GOLM2: variants seen among roughly 807,000 people sequenced by gnomAD.
GOLM2 encodes golgi membrane protein 2.
A neutral mutation model predicts 55.9 loss-of-function variants in GOLM2; 26 were observed. That is an observed-to-expected ratio of 0.47 (90% CI 0.34 to 0.65). The LOEUF (loss-of-function observed/expected upper bound fraction) is 0.65, where lower values mean the gene tolerates loss of function less well. Ranked by LOEUF, GOLM2 falls within the 30% of genes least tolerant of loss-of-function variation. The pLI is 0.01. For synonymous variants in GOLM2, 165 were observed against 194.6 expected (o/e 0.85, Z 1.27); for missense variants, 486 against 531.8 (o/e 0.91, Z 0.85).
chr15:44,377,835 T>A (rs1462626361), intron 6 of GOLM2, among the ~76,000 whole-genome samples: 1 of 151,672 alleles, frequency 6.6e-6, no homozygotes, highest in South Asian at 2.1e-4. Flanking sequence ...ATATATGATA[T>A]AACCCTAATT....
chr15:44,382,621 C>G (rs1014897540), intron 8 of GOLM2, among the ~76,000 whole-genome samples: 2 of 152,094 alleles, frequency 1.3e-5, no homozygotes, highest in Admixed American at 6.6e-5. Context: ...ACTACTGCTC[C>G]CGGCCAAGAT....
At chr15:44,391,060 A>G (rs1174036690) in intron 8 of GOLM2, among the ~76,000 whole-genome samples, 1 of 152,220 alleles carries the variant, frequency 6.6e-6, no homozygotes, top group East Asian at 1.9e-4. Context: ...AAACTTGAAT[A>G]AACCAATAAT....
At chr15:44,365,742 C>T (rs548737590) in intron 6 of GOLM2, among the ~76,000 whole-genome samples, 1 of 152,026 alleles carries the variant, frequency 6.6e-6, no homozygotes, top group African/African-American at 2.4e-5. Context: ...CAGTGAAATG[C>T]TCTGATACTA....
At chr15:44,366,296 C>CAAAAAAAAAAAAAAAAAAAAAAAAAAAA (rs34413737) in intron 6 of GOLM2, among the ~76,000 whole-genome samples, 1 of 55,504 alleles carries the variant, frequency 1.8e-5, no homozygotes, top group African/African-American at 6.8e-5. Context: ...GACTCCGTCT[C>CAAAAAAAAAAAAAAAAAAAAAAAAAAAA]AAAAAAAAAA....
chr15:44,368,588 A>G (rs944457009), intron 6 of GOLM2, among the ~76,000 whole-genome samples: 6 of 151,286 alleles, frequency 4.0e-5, no homozygotes, highest in Non-Finnish European at 7.4e-5. Context: ...CATATATTTC[A>G]CTTTAGATGT....
intron 8 of GOLM2, among the ~76,000 whole-genome samples, chr15:44,398,222 C>T (rs1163600963): frequency 2.6e-5 from 4 of 152,250 alleles, no homozygotes; most frequent in South Asian, 2.1e-4. Context: ...TGTGCAATAG[C>T]ACACGTACTA....
chr15:44,299,540 G>T (rs754922805), intron 1 of GOLM2, among the ~76,000 whole-genome samples: 10 of 151,932 alleles, frequency 6.6e-5, no homozygotes, highest in African/African-American at 2.4e-4. Flanking sequence ...TGATCCGCCC[G>T]CCTCGGCCTC....
At position 44,328,707 on chromosome 15, in the gene GOLM2, G is replaced by C; in HGVS notation, c.405G>C (p.Gln135His). ...TAGAGCAACTTGCTGAGCTTCGTCA[G>C]GAATTTCTTCGACAAGAAGACCAGC... ...HLKEQLAELR[Q>H]EFLRQEDQLQ... is the part of the protein sequence containing the mutation. The change falls in exon 3 of 10, where the codon CAG becomes CAC. Residue 135 changes from glutamine (Q) to histidine (H), a missense_variant. Coordinates refer to ENST00000299957, the MANE Select transcript of GOLM2 (RefSeq NM_138423.4). The C allele has an allele frequency of 6.2e-7, 1 of 1,613,002 alleles. No individual in the cohort carries two copies. The highest frequency in any genetic ancestry group is 8.5e-7 in the Non-Finnish European group (1 of 1,179,610).
At chr15:44,377,839 C>A (rs1310601568) in intron 6 of GOLM2, among the ~76,000 whole-genome samples, 1 of 150,546 alleles carries the variant, frequency 6.6e-6, no homozygotes, top group African/African-American at 2.4e-5. Context: ...ATGATATAAC[C>A]CTAATTTTAA....
intron 6 of GOLM2, among the ~76,000 whole-genome samples, chr15:44,354,003 G>A (rs1037076828): frequency 2.6e-5 from 4 of 152,018 alleles, no homozygotes; most frequent in South Asian, 2.1e-4. Context: ...ATTATTACAC[G>A]TTGTATGCCT....
At chr15:44,359,474 G>C (rs1483609585) in intron 6 of GOLM2, among the ~76,000 whole-genome samples, 2 of 152,038 alleles carry the variant, frequency 1.3e-5, no homozygotes, top group Non-Finnish European at 2.9e-5. Flanking sequence ...TGTAGTCTCA[G>C]CTACTTGGGA....
At chr15:44,349,706 A>G (rs1308787154) in intron 6 of GOLM2, among the ~76,000 whole-genome samples, 3 of 152,298 alleles carry the variant, frequency 2.0e-5, no homozygotes, top group Middle Eastern at 3.4e-3. Flanking sequence ...TCCTCAGTAC[A>G]TGCATCATTC....
chr15:44,380,688 TG>T, intron 7 of GOLM2, 117 bp from the exon 8 acceptor site: 1 of 629,828 alleles, frequency 1.6e-6, no homozygotes, highest in Non-Finnish European at 2.3e-6. Flanking sequence ...AAAAGCTTTG[TG>T]GCTACCCAAT....
In GOLM2 at chr15:44,341,054, A is replaced by G. The variant is rs539053212; in HGVS notation, c.802+2737A>G. On this transcript the variant is annotated intron_variant, in intron 6 of 9. Transcript: ENST00000299957. ...TAAATATATATAATTTTTGACCTCT[A>G]TTATTTATTTCCACATACTTTTCTC... Among the ~76,000 whole-genome samples, 4 of 144,012 alleles carry G rather than the reference A, an allele frequency of 2.8e-5. No homozygotes were observed. The South Asian group carries it at 9.1e-4, about 33-fold the overall frequency. The allele number at this position is 144,012 out of a possible 152,430, so 94.5% of individuals were successfully genotyped here.
chr15:44,382,485 C>G (rs1567040516), intron 8 of GOLM2, among the ~76,000 whole-genome samples: 1 of 151,892 alleles, frequency 6.6e-6, no homozygotes, highest in South Asian at 2.1e-4. Flanking sequence ...CATCACCATG[C>G]CTGGCTAATT....
chr15:44,395,663 A>G (rs1403814040), intron 8 of GOLM2, among the ~76,000 whole-genome samples: 1 of 151,814 alleles, frequency 6.6e-6, no homozygotes, highest in Admixed American at 6.6e-5. Flanking sequence ...AACATGATGA[A>G]ACCCCGTCTC....
chr15:44,384,241 AC>A (rs139601286), intron 8 of GOLM2, among the ~76,000 whole-genome samples: 6,381 of 152,040 alleles, frequency 0.042, 243 homozygotes, highest in East Asian at 0.2. Flanking sequence ...GTACTCTCCT[AC>A]CCTCAGCACC....
intron 8 of GOLM2, among the ~76,000 whole-genome samples, chr15:44,395,651 C>T (rs913503390): frequency 6.6e-6 from 1 of 151,720 alleles, no homozygotes; most frequent in Non-Finnish European, 1.5e-5. Flanking sequence ...ACCATCCTGG[C>T]CAACATGATG....
chr15:44,327,931 C>T (rs12594110), intron 2 of GOLM2, among the ~76,000 whole-genome samples: 4,507 of 152,208 alleles, frequency 0.03, 106 homozygotes, highest in East Asian at 0.1. Flanking sequence ...CATCCATAGC[C>T]GAACTAGAAA....
Sources: gnomAD v4.1 joint callset for allele counts (sites outside exome capture counted in the v4.1 genomes callset) on GRCh38, gnomAD v4.1.1 for gene constraint, MANE v1.5 for transcripts, NCBI Gene and HGNC (gene_info 2026-07-23, HGNC 2026-07-21) for gene names.